Variants in PID1 observed in about 807,000 individuals in gnomAD.
PID1 encodes the protein PTB-containing, cubilin and LRP1-interacting protein.
PID1 carries 10 observed loss-of-function variants against 19.1 expected under a neutral mutation model. The ratio of observed to expected loss-of-function variants is 0.52; its 90% CI spans 0.32 to 0.89. The LOEUF (loss-of-function observed/expected upper bound fraction) is 0.89, where lower values mean the gene tolerates loss of function less well. Ranked by LOEUF, PID1 falls within the 40% of genes least tolerant of loss-of-function variation. The probability of loss-of-function intolerance (pLI) is 0.03; values close to 1 mark genes in which losing one functional copy is unlikely to be tolerated. For missense variants in PID1, 248 were observed against 285.3 expected (o/e 0.87, Z 0.94); for synonymous variants, 130 against 116.0 (o/e 1.12, Z -0.78).
At chr2:229,256,632 TTA>T (rs201201254) in intron 1 of PID1, among the ~76,000 whole-genome samples, 2,117 of 152,330 alleles carry the variant, frequency 0.014, 21 homozygotes, top group South Asian at 0.047. Context: ...GTGGCAAGAC[TTA>T]TGAGCAACAC....
intron 1 of PID1, among the ~76,000 whole-genome samples, chr2:229,216,561 G>C (rs936745131): frequency 1.3e-5 from 2 of 152,028 alleles, no homozygotes; most frequent in Non-Finnish European, 1.5e-5. Flanking sequence ...GGTAGATTAG[G>C]GTCTTAGGTT....
chr2:229,193,770 C>G (rs999994536), intron 1 of PID1, among the ~76,000 whole-genome samples: 5 of 148,800 alleles, frequency 3.4e-5, no homozygotes, highest in African/African-American at 1.2e-4. Context: ...AAAATTATAT[C>G]GTAGCCTTAT....
intron 2 of PID1, among the ~76,000 whole-genome samples, chr2:229,072,170 T>C (rs1694468269): frequency 6.6e-6 from 1 of 152,254 alleles, no homozygotes. Flanking sequence ...GACATTTTTC[T>C]AGACTCCTAA....
intron 1 of PID1, among the ~76,000 whole-genome samples, chr2:229,158,761 A>C (rs919294743): frequency 6.6e-6 from 1 of 152,240 alleles, no homozygotes; most frequent in Non-Finnish European, 1.5e-5. Flanking sequence ...TCGCCTCAGT[A>C]AAAACTGCCA....
intron 2 of PID1, among the ~76,000 whole-genome samples, chr2:229,111,830 A>G (rs1231461245): frequency 6.6e-6 from 1 of 152,220 alleles, no homozygotes; most frequent in East Asian, 1.9e-4. Flanking sequence ...ATCATGTGAT[A>G]AGTTAAATGA....
chr2:229,252,472 A>G (rs1690179597), intron 1 of PID1, among the ~76,000 whole-genome samples: 2 of 152,310 alleles, frequency 1.3e-5, no homozygotes, highest in East Asian at 1.9e-4. Flanking sequence ...GAGCAAATAC[A>G]TATCTCATGG....
At chr2:229,068,656 G>A (rs952660601) in intron 2 of PID1, among the ~76,000 whole-genome samples, 1 of 152,180 alleles carries the variant, frequency 6.6e-6, no homozygotes, top group Non-Finnish European at 1.5e-5. Context: ...GTTTGGGACT[G>A]AAGGCTGGGC....
intron 1 of PID1, chr2:229,262,918 T>A: frequency 4.8e-6 from 7 of 1,467,832 alleles, no homozygotes; most frequent in Non-Finnish European, 5.4e-6. Flanking sequence ...AGTCATTGGC[T>A]CTAGGGTTCA....
intron 1 of PID1, among the ~76,000 whole-genome samples, chr2:229,251,972 TA>T (rs1357718454): frequency 1.6e-5 from 2 of 128,158 alleles, no homozygotes; most frequent in African/African-American, 5.8e-5. Context: ...AAGAAAAGCT[TA>T]AAAAAAAGAA....
At chr2:229,253,148 A>C (rs1690198812) in intron 1 of PID1, among the ~76,000 whole-genome samples, 1 of 152,170 alleles carries the variant, frequency 6.6e-6, no homozygotes. Flanking sequence ...CAACAACTAC[A>C]AATGTTTCTT....
At chr2:229,186,200 C>A (rs2106226208) in intron 1 of PID1, among the ~76,000 whole-genome samples, 1 of 152,296 alleles carries the variant, frequency 6.6e-6, no homozygotes, top group South Asian at 2.1e-4. Flanking sequence ...TGGTCTTGGG[C>A]AGCTCCACCC....
At chr2:229,143,202 A>C in intron 2 of PID1, among the ~76,000 whole-genome samples, 2 of 116,348 alleles carry the variant, frequency 1.7e-5, no homozygotes, top group South Asian at 3.2e-4. Context: ...GCTGTGGGGT[A>C]GGGGGAGGGG....
At chr2:229,084,900 A>T (rs1289800760) in intron 2 of PID1, among the ~76,000 whole-genome samples, 1 of 99,910 alleles carries the variant, frequency 1.0e-5, no homozygotes, top group Non-Finnish European at 2.6e-5. Flanking sequence ...GCCTAAGAAA[A>T]ATACTGCTTT....
chr2:229,171,344 TA>T (rs1303350597), intron 1 of PID1, among the ~76,000 whole-genome samples: 1 of 152,184 alleles, frequency 6.6e-6, no homozygotes, highest in Non-Finnish European at 1.5e-5. Flanking sequence ...TTCACTTCAA[TA>T]AAAGCTCAGT....
chr2:229,033,386 G>A (rs142065195), intron 2 of PID1, among the ~76,000 whole-genome samples: 14 of 152,246 alleles, frequency 9.2e-5, no homozygotes, highest in Non-Finnish European at 2.1e-4. Flanking sequence ...CCTTCTAGAG[G>A]TCTCTCTTGA....
At chr2:229,048,837 G>A (rs182088817) in intron 2 of PID1, among the ~76,000 whole-genome samples, 1 of 152,040 alleles carries the variant, frequency 6.6e-6, no homozygotes, top group African/African-American at 2.4e-5. Context: ...CAGTATTTTG[G>A]GTGTTACGCA....
intron 2 of PID1, among the ~76,000 whole-genome samples, chr2:229,053,637 C>A (rs1159476795): frequency 2.0e-5 from 3 of 152,354 alleles, no homozygotes; most frequent in Non-Finnish European, 4.4e-5. Context: ...TCCCAACTCA[C>A]TTCACTTTGG....
chr2:229,094,021 A>G (rs1694927106), intron 2 of PID1, among the ~76,000 whole-genome samples: 1 of 152,116 alleles, frequency 6.6e-6, no homozygotes, highest in African/African-American at 2.4e-5. Context: ...CTTGCCAATG[A>G]TATAATCTCA....
At chr2:229,193,814 T>C (rs148404427) in intron 1 of PID1, among the ~76,000 whole-genome samples, 38 of 151,912 alleles carry the variant, frequency 2.5e-4, no homozygotes, top group African/African-American at 8.7e-4. Flanking sequence ...CAAAGTAATT[T>C]ATCCGGAAAG....
Sources: allele counts gnomAD v4.1 joint callset (sites outside exome capture counted in the v4.1 genomes callset), GRCh38; gene constraint gnomAD v4.1.1; transcripts MANE v1.5; gene names NCBI Gene and HGNC (gene_info 2026-07-23, HGNC 2026-07-21).